Variants in BICD1 observed in about 807,000 individuals in gnomAD.
BICD1 encodes the protein BICD cargo adaptor 1.
In BICD1, 35 loss-of-function variants were observed where a neutral mutation model predicts 92.5. The ratio of observed to expected loss-of-function variants is 0.38; its 90% CI spans 0.29 to 0.50. The LOEUF (loss-of-function observed/expected upper bound fraction) is 0.50, where lower values mean the gene tolerates loss of function less well. Among genes scored for constraint, BICD1 ranks in the 20% least tolerant of loss-of-function variants. BICD1 has a pLI of 0.93. For missense variants in BICD1, 950 were observed against 1,189.8 expected (o/e 0.80, Z 2.97); for synonymous variants, 429 against 465.1 (o/e 0.92, Z 1.00).
At position 32,331,726 on chromosome 12, in the gene BICD1, A is replaced by G. The variant is rs3789977; in HGVS notation, c.2101-2790A>G. ...CTCAAAAGGTTTCAGATTTTGAAGC[A>G]TTTTGGATTTTGGATTAAGGATGCT... is the stretch of plus-strand genomic sequence containing the variant. On this transcript the variant is annotated intron_variant, in intron 5 of 9. Coordinates refer to ENST00000652176, the MANE Select transcript of BICD1 (RefSeq NM_001714.4). 1.6e-3 allele frequency among the ~76,000 whole-genome samples: 251 copies of G among 152,286 alleles called. 4 individuals are homozygous for G. In the East Asian group the frequency reaches 0.045, roughly 27 times the overall value.
chr12:32,179,320 CAAG>C (rs1944206534), intron 1 of BICD1, among the ~76,000 whole-genome samples: 1 of 151,800 alleles, frequency 6.6e-6, no homozygotes, highest in African/African-American at 2.4e-5. Flanking sequence ...GAAATAATTC[CAAG>C]AATATACTTA....
chr12:32,177,917 A>G (rs966947109), intron 1 of BICD1, among the ~76,000 whole-genome samples: 8 of 150,846 alleles, frequency 5.3e-5, no homozygotes, highest in Non-Finnish European at 1.0e-4. Flanking sequence ...ATAGTGATAT[A>G]CGTGTGTTTA....
chr12:32,191,626 AAT>A (rs963659202), intron 1 of BICD1, among the ~76,000 whole-genome samples: 64 of 145,422 alleles, frequency 4.4e-4, no homozygotes, highest in African/African-American at 5.5e-4. Flanking sequence ...TATAATATAT[AAT>A]ATATGTTATA....
At chr12:32,145,956 A>G (rs1021797412) in intron 1 of BICD1, among the ~76,000 whole-genome samples, 1 of 152,226 alleles carries the variant, frequency 6.6e-6, no homozygotes, top group African/African-American at 2.4e-5. Context: ...GAGGCACTAT[A>G]TTAGGTGCTG....
At chr12:32,147,418 C>T (rs10743783) in intron 1 of BICD1, among the ~76,000 whole-genome samples, 124,465 of 152,136 alleles carry the variant, frequency 0.82, 51,036 homozygotes, top group Admixed American at 0.89. Flanking sequence ...TTCCCTTAGC[C>T]GTCATTTTGG....
intron 1 of BICD1, among the ~76,000 whole-genome samples, chr12:32,121,792 A>G (rs1942159904): frequency 6.8e-6 from 1 of 147,366 alleles, no homozygotes; most frequent in Non-Finnish European, 1.5e-5. Flanking sequence ...TCTGAACAAC[A>G]GAAGATCTCA....
At chr12:32,266,052 A>G (rs1050718883) in intron 2 of BICD1, among the ~76,000 whole-genome samples, 1 of 152,150 alleles carries the variant, frequency 6.6e-6, no homozygotes, top group African/African-American at 2.4e-5. Context: ...ATTTGTTTAA[A>G]CTTTTAATAG....
At chr12:32,153,984 C>T (rs1943364801) in intron 1 of BICD1, among the ~76,000 whole-genome samples, 1 of 151,848 alleles carries the variant, frequency 6.6e-6, no homozygotes, top group South Asian at 2.1e-4. Flanking sequence ...TGTTTATTGT[C>T]GTATACTCCT....
chr12:32,333,232 C>A, intron 5 of BICD1: 1 of 985,234 alleles, frequency 1.0e-6, no homozygotes, highest in Non-Finnish European at 1.2e-6. Context: ...TGCCGTTTTT[C>A]CCCAGGTCAA....
intron 2 of BICD1, 28 bp downstream of exon 2, chr12:32,216,487 T>C (rs757696789): frequency 1.2e-6 from 2 of 1,603,276 alleles, no homozygotes; most frequent in Non-Finnish European, 1.7e-6. Flanking sequence ...CTATGAGAGA[T>C]TTGTGAGAGG....
intron 2 of BICD1, among the ~76,000 whole-genome samples, chr12:32,243,636 G>A (rs928079687): frequency 2.0e-5 from 3 of 151,902 alleles, no homozygotes; most frequent in Non-Finnish European, 4.4e-5. Flanking sequence ...CCACTGGTTT[G>A]TTATTTTCCT....
intron 1 of BICD1, 75 bp from the exon 2 acceptor site, chr12:32,216,172 A>G: frequency 6.7e-7 from 1 of 1,484,426 alleles, no homozygotes; most frequent in Non-Finnish European, 9.2e-7. Context: ...GCAGAAGAAA[A>G]CATTTTCCCA....
chr12:32,222,904 C>G (rs1413873698), intron 2 of BICD1, among the ~76,000 whole-genome samples: 2 of 152,126 alleles, frequency 1.3e-5, no homozygotes, highest in African/African-American at 4.8e-5. Context: ...CCTGCCAGCA[C>G]CTTAATCTTA....
chr12:32,207,415 T>G (rs1239964854), intron 1 of BICD1, among the ~76,000 whole-genome samples: 4 of 152,156 alleles, frequency 2.6e-5, no homozygotes, highest in Admixed American at 6.5e-5. Flanking sequence ...CACAGAATAT[T>G]TAGTTGAGAA....
At chr12:32,217,887 C>T (rs918513485) in intron 2 of BICD1, among the ~76,000 whole-genome samples, 7 of 152,140 alleles carry the variant, frequency 4.6e-5, no homozygotes, top group East Asian at 1.9e-4. Flanking sequence ...CCTCAGCAGC[C>T]GTGAGCAGCA....
intron 1 of BICD1, among the ~76,000 whole-genome samples, chr12:32,166,278 G>C (rs1260853011): frequency 1.3e-5 from 2 of 151,904 alleles, no homozygotes; most frequent in Non-Finnish European, 2.9e-5. Context: ...TGGGATTACA[G>C]GCGTCTGCCA....
chr12:32,181,617 C>G (rs2121523984), intron 1 of BICD1, among the ~76,000 whole-genome samples: 1 of 151,864 alleles, frequency 6.6e-6, no homozygotes, highest in South Asian at 2.1e-4. Context: ...TTATCTTATG[C>G]TCTATATGAA....
At chr12:32,323,719 G>C (rs946098109) in intron 4 of BICD1, among the ~76,000 whole-genome samples, 1 of 152,144 alleles carries the variant, frequency 6.6e-6, no homozygotes, top group African/African-American at 2.4e-5. Flanking sequence ...TGTATCTTAG[G>C]TTCTAATATA....
rs551573880 is a variant in BICD1 at position 32,258,455 on chromosome 12, C to T, written c.427-35539C>T. Reference sequence around the variant, plus strand: ...TATGGGGCTTAGCGGGTGTTCTCTCCGTGTGTGGAAACGAGAGATCTAAGA... The same window carrying T: ...TATGGGGCTTAGCGGGTGTTCTCTCTGTGTGTGGAAACGAGAGATCTAAGA... On this transcript the variant is annotated intron_variant, in intron 2 of 9. Transcript: ENST00000652176. Among the ~76,000 whole-genome samples the T allele has an allele frequency of 7.2e-5, 11 of 151,936 alleles. No homozygotes were observed. In the East Asian group the frequency reaches 9.7e-4, roughly 13 times the overall value.
Sources: gnomAD v4.1 joint callset for allele counts (sites outside exome capture counted in the v4.1 genomes callset) on GRCh38, gnomAD v4.1.1 for gene constraint, MANE v1.5 for transcripts, NCBI Gene and HGNC (gene_info 2026-07-23, HGNC 2026-07-21) for gene names.